SPATA31D1: variants seen among roughly 807,000 people sequenced by gnomAD.
SPATA31D1 encodes the protein spermatogenesis-associated protein 31D1.
A neutral mutation model predicts 13.2 loss-of-function variants in SPATA31D1; 6 were observed. The ratio of observed to expected loss-of-function variants is 0.46; its 90% CI spans 0.25 to 0.90. The LOEUF (loss-of-function observed/expected upper bound fraction) is 0.90, where lower values mean the gene tolerates loss of function less well. Ranked by LOEUF, SPATA31D1 falls within the 40% of genes least tolerant of loss-of-function variation. The pLI is 0.18. For synonymous variants in SPATA31D1, 903 were observed against 718.8 expected, an observed-to-expected ratio of 1.26 and a Z score of -4.10; for missense variants, 2,445 against 1,884.7, an observed-to-expected ratio of 1.30 and a Z score of -5.50.
At chr9:81,990,534 C>A (rs372222251) in intron 3 of SPATA31D1, 48 bp downstream of exon 3, 27 of 1,524,956 alleles carry the variant, frequency 1.8e-5, no homozygotes, top group Non-Finnish European at 2.1e-5. Flanking sequence ...ACTCCTTCTT[C>A]TTTAGTACGT....
In SPATA31D1 at chr9:81,988,798, G is replaced by A. The variant is rs754672793; in HGVS notation, c.-21G>A. ...GCACCCTCAGTGCTCAGTTGCTTCA[G>A]GCAGCTGAGCTATTCAGACCATGGA... On this transcript the variant is annotated 5_prime_UTR_variant, in exon 1 of 4. Transcript: ENST00000344803. 6.2e-7 allele frequency: 1 copy of A among 1,612,074 alleles called. No homozygotes were observed. The highest frequency in any genetic ancestry group is 1.7e-5 in the Admixed American group (1 of 60,016).
Position 81,992,825 on chromosome 9 carries a change from G to A in SPATA31D1, c.2355G>A (p.Leu785=). 2 of 1,613,808 alleles carry A rather than the reference G, an allele frequency of 1.2e-6. No individual in the cohort carries two copies. Among genetic ancestry groups the A allele is most frequent in the Non-Finnish European group, 1.7e-6 (2 of 1,179,726 alleles). Residue 785 remains leucine, a synonymous_variant, in exon 4 of 4, where the codon CTG becomes CTA. Transcript: ENST00000344803. Reference sequence around the variant, plus strand: ...AGGAGACTGTCCCAAAAGATCACCTGTTGCATGGTCCGGAGACTTCTTCAG... The same window carrying A: ...AGGAGACTGTCCCAAAAGATCACCTATTGCATGGTCCGGAGACTTCTTCAG... ...YSQETVPKDH[L]LHGPETSSDK...
At chr9:81,987,881 G>C (rs1824883099), upstream of SPATA31D1, among the ~76,000 whole-genome samples, 1 of 152,078 alleles carries the variant, frequency 6.6e-6, no homozygotes. Flanking sequence ...AACTATTAAG[G>C]CCAACTGGAG....
chr9:81,989,714 ATGAG>A lies in SPATA31D1; in HGVS notation c.187-63_187-60del, dbSNP rs1331607011. 3.7e-3 allele frequency: 5,255 copies of A among 1,432,670 alleles called. 36 individuals carry two copies. Among genetic ancestry groups the A allele is most frequent in the Middle Eastern group, 0.024 (137 of 5,676 alleles). The allele number at this position is 1,432,670 out of a possible 1,614,324, so 88.7% of individuals were successfully genotyped here. A position where few individuals can be genotyped will look rare whatever the true frequency, so the allele number is the denominator to read the frequency against. On this transcript the variant is annotated intron_variant, in intron 1 of 3. Transcript: ENST00000344803. The stretch of plus-strand genomic sequence containing the variant: ...AATGAATGAATGAATGAATGAATGA[ATGAG>A]CTTCATAGAGAGTGAGAGAAGTGAG...
rs751661931 is a variant in SPATA31D1 at position 81,994,715 on chromosome 9, G to C, written c.4245G>C (p.Glu1415Asp). ...AAGACACTAGGGAGTTCCTAGAAGA[G>C]AAGCTGGGGCATAGGCATGGGATAG... Reference protein sequence around the residue: ...IRKDTREFLEEKLGHRHGIDI... With the variant: ...IRKDTREFLEDKLGHRHGIDI... Residue 1415 changes from glutamate (E) to aspartate (D), a missense_variant, in exon 4 of 4, where the codon GAG (glutamate) becomes GAC (aspartate). By Grantham distance (45) the Glu-to-Asp change is conservative (BLOSUM62 2). Coordinates refer to ENST00000344803, the MANE Select transcript of SPATA31D1 (RefSeq NM_001001670.3). 6.2e-7 allele frequency: 1 copy of C among 1,613,882 alleles called. No homozygotes were observed. Among genetic ancestry groups the C allele is most frequent in the South Asian group, 1.1e-5 (1 of 91,070 alleles).
chr9:81,994,827 C>T lies in SPATA31D1; in HGVS notation c.4357C>T (p.Pro1453Ser). The change falls in exon 4 of 4, where the codon CCT (proline) becomes TCT (serine). Residue 1453 changes from proline to serine, a missense_variant. By Grantham distance (74) the Pro-to-Ser change is moderately conservative. Transcript: ENST00000344803. ...CCCAGAAGTGCATGTCAGAGCAGAGCCTGTCCAGGGCTGTCCCTGCAACTA... is the reference window on the plus strand; with the variant it reads ...CCCAGAAGTGCATGTCAGAGCAGAGTCTGTCCAGGGCTGTCCCTGCAACTA... ...HNPEVHVRAEPVQGCPCNYRA... is the reference protein window; with the variant it reads ...HNPEVHVRAESVQGCPCNYRA... 3 of 1,613,942 alleles carry T rather than the reference C, an allele frequency of 1.9e-6. No individual in the cohort carries two copies. The highest frequency in any genetic ancestry group is 2.5e-6 in the Non-Finnish European group (3 of 1,179,862).
Position 81,993,048 on chromosome 9 carries a change from A to G in SPATA31D1, c.2578A>G (p.Thr860Ala), listed in dbSNP as rs768202272. Residue 860 changes from threonine to alanine, a missense_variant, in exon 4 of 4, where the codon ACA (threonine) becomes GCA (alanine). Thr to Ala is a moderately conservative substitution (Grantham distance 58). Transcript: ENST00000344803. ...VHSSWHSVKQ[T>A]MSLPEKSHSQ... Reference sequence around the variant, plus strand: ...TAGTTCATGGCACTCAGTCAAGCAGACAATGTCTCTTCCTGAGAAATCCCA... The same window carrying G: ...TAGTTCATGGCACTCAGTCAAGCAGGCAATGTCTCTTCCTGAGAAATCCCA... The G allele has an allele frequency of 6.8e-6, 11 of 1,613,680 alleles. No homozygotes were observed. The African/African-American group carries it at 1.3e-4, about 20-fold the overall frequency.
Position 81,994,156 on chromosome 9 carries a change from T to C in SPATA31D1, c.3686T>C (p.Leu1229Ser). The change falls in exon 4 of 4, where the codon TTA (leucine) becomes TCA (serine). Residue 1229 changes from leucine (L) to serine (S), a missense_variant. By Grantham distance (145) the Leu-to-Ser change is moderately radical. Transcript: ENST00000344803. ...CATTTCACTGACATGTCTTTTGCCT[T>C]AGATAACTTGAGTTCCAAGGACTTA... ...QSHFTDMSFA[L>S]DNLSSKDLLT... 1 of 1,614,012 alleles carries C rather than the reference T, an allele frequency of 6.2e-7. No homozygotes were observed. Among genetic ancestry groups the C allele is most frequent in the Non-Finnish European group, 8.5e-7 (1 of 1,179,888 alleles).
Position 81,991,905 on chromosome 9 carries a change from T to C in SPATA31D1, c.1435T>C (p.Trp479Arg), listed in dbSNP as rs1388183469. 4 of 1,613,660 alleles carry C rather than the reference T, an allele frequency of 2.5e-6. No homozygotes were observed. The Admixed American group carries it at 6.7e-5, about 27-fold the overall frequency. ...TTGGGCCAGTAAAGGCAAACTAGAATGGCAGCACATCCATCAGCAGCCTCC... is the reference window on the plus strand; with the variant it reads ...TTGGGCCAGTAAAGGCAAACTAGAACGGCAGCACATCCATCAGCAGCCTCC... Reference protein sequence around the residue: ...PFWASKGKLEWQHIHQQPPHS... With the variant: ...PFWASKGKLERQHIHQQPPHS... The change falls in exon 4 of 4, where the codon TGG (tryptophan) becomes CGG (arginine). Residue 479 changes from tryptophan to arginine, a missense_variant. Coordinates refer to ENST00000344803, the MANE Select transcript of SPATA31D1 (RefSeq NM_001001670.3).
Position 81,989,820 on chromosome 9 carries a change from A to G in SPATA31D1, c.229A>G (p.Lys77Glu), listed in dbSNP as rs1236550832. Residue 77 changes from lysine (K) to glutamate (E), a missense_variant, in exon 2 of 4, where the codon AAA (lysine) becomes GAA (glutamate). Lys to Glu is a moderately conservative substitution (Grantham distance 56). Transcript: ENST00000344803. ...AKRRRKGGTF[K>E]GFPDWKSFQR... The stretch of plus-strand genomic sequence containing the variant: ...GAGGAGAAGGAAAGGTGGGACATTC[A>G]AAGGTAATGTCAGCCTGCTCTATCT... 1 of 1,613,432 alleles carries G rather than the reference A, an allele frequency of 6.2e-7. No individual in the cohort carries two copies. Among genetic ancestry groups the G allele is most frequent in the Non-Finnish European group, 8.5e-7 (1 of 1,179,650 alleles).
Position 81,993,619 on chromosome 9 carries a change from A to T in SPATA31D1, c.3149A>T (p.Tyr1050Phe), listed in dbSNP as rs1465894003. 6.2e-7 allele frequency: 1 copy of T among 1,613,976 alleles called. No homozygotes were observed. Among genetic ancestry groups the T allele is most frequent in the Admixed American group, 1.7e-5 (1 of 60,020 alleles). ...TCATTCCCCATCCTCGGTCATTCTTACCTTGTCACTTCACCTGTCAACCAA... is the reference window on the plus strand; with the variant it reads ...TCATTCCCCATCCTCGGTCATTCTTTCCTTGTCACTTCACCTGTCAACCAA... ...TSSFPILGHSYLVTSPVNQEK... is the reference protein window; with the variant it reads ...TSSFPILGHSFLVTSPVNQEK... Residue 1050 changes from tyrosine to phenylalanine, a missense_variant, in exon 4 of 4, where the codon TAC becomes TTC. Physicochemically the swap from Tyr to Phe is conservative, Grantham distance 22 (BLOSUM62 3). Coordinates refer to ENST00000344803, the MANE Select transcript of SPATA31D1 (RefSeq NM_001001670.3).
Position 81,991,350 on chromosome 9 carries a change from C to A in SPATA31D1, c.880C>A (p.Arg294Ser), listed in dbSNP as rs751484980. ...QAMNPIDSCA[R>S]HHGPPIPSAL... ...CATGAATCCCATTGATTCTTGTGCT[C>A]GTCATCACGGACCACCAATCCCATC... is the stretch of plus-strand genomic sequence containing the variant. Residue 294 changes from arginine (R) to serine (S), a missense_variant, in exon 4 of 4, where the codon CGT becomes AGT. Physicochemically the swap from Arg to Ser is moderately radical, Grantham distance 110. Coordinates refer to ENST00000344803, the MANE Select transcript of SPATA31D1 (RefSeq NM_001001670.3). The A allele has an allele frequency of 6.2e-7, 1 of 1,614,016 alleles. No individual in the cohort carries two copies.
At position 81,990,762 on chromosome 9, in the gene SPATA31D1, C is replaced by T. The variant is rs1564172993; in HGVS notation, c.303-11C>T. 7 of 1,597,866 alleles carry T rather than the reference C, an allele frequency of 4.4e-6. No individual in the cohort carries two copies. Among genetic ancestry groups the T allele is most frequent in the Admixed American group, 3.5e-5 (2 of 57,384 alleles). On this transcript the variant is annotated splice_polypyrimidine_tract_variant and intron_variant, in intron 3 of 3. Coordinates refer to ENST00000344803, the MANE Select transcript of SPATA31D1 (RefSeq NM_001001670.3). ...ACAAATCTCCTTTCCTTGTTCTGGT[C>T]CTGACTGCAGCTTTGGACCTCCTGT...
At chr9:81,989,309 T>A (rs558454632) in intron 1 of SPATA31D1, among the ~76,000 whole-genome samples, 1 of 152,160 alleles carries the variant, frequency 6.6e-6, no homozygotes, top group Admixed American at 6.5e-5. Context: ...TATTTAGAGA[T>A]TGTGGGCTCT....
chr9:81,988,967 A>G lies in SPATA31D1; in HGVS notation c.149A>G (p.Tyr50Cys), dbSNP rs749217033. 47 of 1,611,940 alleles carry G rather than the reference A, an allele frequency of 2.9e-5. 3 individuals carry two copies. In the South Asian group the frequency reaches 4.9e-4, roughly 17 times the overall value. Residue 50 changes from tyrosine to cysteine, a missense_variant, in exon 1 of 4, where the codon TAT becomes TGT. By Grantham distance (194) the Tyr-to-Cys change is radical. Transcript: ENST00000344803. ...LYLFYVVLTL[Y>C]SSPTEKNNDI... ...TTGTTCTACGTGGTATTGACCCTGT[A>G]TTCGTCACCCACCGAAAAAAATAAT... is the stretch of plus-strand genomic sequence containing the variant.
In SPATA31D1 at chr9:81,994,705, TC is replaced by T. The variant is rs1235131248; in HGVS notation, c.4237del (p.Leu1413Ter). On this transcript the variant is annotated frameshift_variant, in exon 4 of 4. Coordinates refer to ENST00000344803, the MANE Select transcript of SPATA31D1 (RefSeq NM_001001670.3). LOFTEE classifies it low-confidence loss of function (END_TRUNC). ...AAAATTAGGAAAGACACTAGGGAGT[TC>T]CTAGAAGAGAAGCTGGGGCATAGGC... The part of the protein sequence containing the change: ...AQKIRKDTRE[F>X]LEEKLGHRHG... 1.2e-6 allele frequency: 2 copies of T among 1,613,690 alleles called. No individual in the cohort carries two copies. The highest frequency in any genetic ancestry group is 1.7e-6 in the Non-Finnish European group (2 of 1,179,752).
Position 81,991,847 on chromosome 9 carries a change from T to C in SPATA31D1, c.1377T>C (p.Ala459=), listed in dbSNP as rs369741414. 49 of 1,613,720 alleles carry C rather than the reference T, an allele frequency of 3.0e-5. No homozygotes were observed. The highest frequency in any genetic ancestry group is 4.1e-5 in the Non-Finnish European group (48 of 1,179,742). Residue 459 remains alanine (A), a synonymous_variant, in exon 4 of 4, where the codon GCT becomes GCC. Coordinates refer to ENST00000344803, the MANE Select transcript of SPATA31D1 (RefSeq NM_001001670.3). ...CACGGAATATGTTAACCTCAATTGC[T>C]GTTAAGCATGACTTGGCAGAATCCT... is the stretch of plus-strand genomic sequence containing the variant. ...NSSRNMLTSI[A]VKHDLAESFP...
intron 2 of SPATA31D1, 134 bp downstream of exon 2, chr9:81,989,957 C>A: frequency 4.9e-6 from 5 of 1,023,234 alleles, no homozygotes; most frequent in South Asian, 1.6e-5. Context: ...AGAAGACAGG[C>A]TCATGGGAAA....
chr9:81,993,838 G>A lies in SPATA31D1; in HGVS notation c.3368G>A (p.Gly1123Asp). The A allele has an allele frequency of 1.2e-6, 2 of 1,614,006 alleles. No individual in the cohort carries two copies. The highest frequency in any genetic ancestry group is 1.1e-5 in the South Asian group (1 of 91,082). The change falls in exon 4 of 4, where the codon GGC becomes GAC. Residue 1123 changes from glycine (G) to aspartate (D), a missense_variant. Coordinates refer to ENST00000344803, the MANE Select transcript of SPATA31D1 (RefSeq NM_001001670.3). ...CTGCCCATAATGCAAGCTGGAGCTG[G>A]CTGTGAGTCATGGGATAAGAGAAAG... ...AELPIMQAGA[G>D]CESWDKRKSS...
Sources: allele counts gnomAD v4.1 joint callset (sites outside exome capture counted in the v4.1 genomes callset), GRCh38; gene constraint gnomAD v4.1.1; transcripts MANE v1.5; gene names NCBI Gene and HGNC (gene_info 2026-07-23, HGNC 2026-07-21).